CGB8: variants seen among roughly 807,000 people sequenced by gnomAD.
CGB8 encodes chorionic gonadotropin, beta polypeptide 8.
A neutral mutation model predicts 7.6 loss-of-function variants in CGB8; 2 were observed. The observed-to-expected ratio is 0.26, with a 90% CI of 0.11 to 0.83. CGB8 has a LOEUF of 0.83. Among genes scored for constraint, CGB8 ranks in the 40% least tolerant of loss-of-function variants. The probability of loss-of-function intolerance (pLI) is 0.65; values close to 1 mark genes in which losing one functional copy is unlikely to be tolerated. For synonymous variants in CGB8, 8 were observed against 91.5 expected (o/e 0.09, Z 5.21); for missense variants, 16 against 208.2 (o/e 0.08, Z 5.68).
rs751625982 is a variant in CGB8 at position 49,048,777 on chromosome 19, A to T, written c.-38T>A. 1.2e-6 allele frequency: 2 copies of T among 1,612,392 alleles called. No individual in the cohort carries two copies. Among genetic ancestry groups the T allele is most frequent in the South Asian group, 2.2e-5 (2 of 91,046 alleles). On this transcript the variant is annotated 5_prime_UTR_variant, in exon 1 of 3. Coordinates refer to ENST00000448456, the MANE Select transcript of CGB8 (RefSeq NM_033183.3). ...CCCTGCCTCGTGTACCTGGCTTTAA[A>T]CCTCGGGGTTGTGGGGGCGGCAAGG...
At position 49,049,010 on chromosome 19, in the gene CGB8, G is replaced by A. The variant is rs922986389; in HGVS notation, c.-271C>T. 6.1e-5 allele frequency: 82 copies of A among 1,346,414 alleles called. No homozygotes were observed. The highest frequency in any genetic ancestry group is 5.6e-4 in the Middle Eastern group (2 of 3,556). The allele number at this position is 1,346,414 out of a possible 1,614,324, so 83.4% of individuals were successfully genotyped here. ...CGAGTGCTAGGGACTAGTCGAGCCT[G>A]GAGGCACAGGGAGTAGGGTGTAGGA... On this transcript the variant is annotated 5_prime_UTR_variant, in exon 1 of 3. Coordinates refer to ENST00000448456, the MANE Select transcript of CGB8 (RefSeq NM_033183.3).
chr19:49,048,621 T>C (rs2039962523), intron 1 of CGB8, 104 bp downstream of exon 1: 1 of 1,608,206 alleles, frequency 6.2e-7, no homozygotes, highest in Admixed American at 1.7e-5. Flanking sequence ...GTCACGCTCC[T>C]CCAGAAAGAG....
At chr19:49,048,476 C>T (rs999030330) in intron 1 of CGB8, 104 bp from the exon 2 acceptor site, 2 of 1,598,012 alleles carry the variant, frequency 1.3e-6, no homozygotes, top group Admixed American at 1.7e-5. Context: ...GAGACCCTTC[C>T]CGGCATCTCC....
chr19:49,048,516 C>T (rs1201393992), intron 1 of CGB8, 144 bp from the exon 2 acceptor site: 13 of 1,550,576 alleles, frequency 8.4e-6, no homozygotes, highest in Admixed American at 5.9e-5. Context: ...GGACACCTGC[C>T]TTTCAGAGCC....
rs779504396 is a variant in CGB8, at chr19:49,048,731, C to T, written c.9G>A (p.Met3Ile). The T allele has an allele frequency of 1.9e-6, 3 of 1,613,298 alleles. No homozygotes were observed. The highest frequency in any genetic ancestry group is 2.5e-6 in the Non-Finnish European group (3 of 1,179,872). MEMFQGLLLLLLL... is the reference protein window; with the variant it reads MEIFQGLLLLLLL... ...AGGGGCCCTGCAGTCTTACCTGGAA[C>T]ATCTCCATCCTTGGTGTGTCCCCTG... The change falls in exon 1 of 3, where the codon ATG (methionine) becomes ATA (isoleucine). Residue 3 changes from methionine (M) to isoleucine (I), a missense_variant. Coordinates refer to ENST00000448456, the MANE Select transcript of CGB8 (RefSeq NM_033183.3).
At position 49,048,796 on chromosome 19, in the gene CGB8, G is replaced by A. The variant is rs527438751; in HGVS notation, c.-57C>T. 1.2e-4 allele frequency: 186 copies of A among 1,612,650 alleles called. No homozygotes were observed. The highest frequency in any genetic ancestry group is 8.1e-5 in the African/African-American group (6 of 73,898). ...CTTTAAACCTCGGGGTTGTGGGGGC[G>A]GCAAGGCCACCAGGAGGTTGTAGGA... On this transcript the variant is annotated 5_prime_UTR_variant, in exon 1 of 3. Coordinates refer to ENST00000448456, the MANE Select transcript of CGB8 (RefSeq NM_033183.3).
Position 49,048,841 on chromosome 19 carries a change from C to A in CGB8, c.-102G>T. Reference sequence around the variant, plus strand: ...GTAGGATGCTGGAGTGAGCTCGACACTAACCCTTCGGGGGGCAAGAGGTAG... The same window carrying A: ...GTAGGATGCTGGAGTGAGCTCGACAATAACCCTTCGGGGGGCAAGAGGTAG... On this transcript the variant is annotated 5_prime_UTR_variant, in exon 1 of 3. Transcript: ENST00000448456. The A allele has an allele frequency of 1.2e-6, 2 of 1,606,562 alleles. No individual in the cohort carries two copies. The highest frequency in any genetic ancestry group is 1.7e-6 in the Non-Finnish European group (2 of 1,175,080).
Position 49,048,759 on chromosome 19 carries a change from T to C in CGB8, c.-20A>G. On this transcript the variant is annotated 5_prime_UTR_variant, in exon 1 of 3. Coordinates refer to ENST00000448456, the MANE Select transcript of CGB8 (RefSeq NM_033183.3). ...CTCCATCCTTGGTGTGTCCCCTGCC[T>C]CGTGTACCTGGCTTTAAACCTCGGG... 4.3e-6 allele frequency: 7 copies of C among 1,613,054 alleles called. No individual in the cohort carries two copies. Among genetic ancestry groups the C allele is most frequent in the Non-Finnish European group, 5.9e-6 (7 of 1,179,842 alleles).
At position 49,048,785 on chromosome 19, in the gene CGB8, G is replaced by T. The variant is rs560069731; in HGVS notation, c.-46C>A. ...CGTGTACCTGGCTTTAAACCTCGGG[G>T]TTGTGGGGGCGGCAAGGCCACCAGG... On this transcript the variant is annotated 5_prime_UTR_variant, in exon 1 of 3. Coordinates refer to ENST00000448456, the MANE Select transcript of CGB8 (RefSeq NM_033183.3). The T allele has an allele frequency of 4.3e-6, 7 of 1,612,882 alleles. No homozygotes were observed. The Admixed American group carries it at 6.7e-5, about 15-fold the overall frequency.
Position 49,048,787 on chromosome 19 carries a change from T to G in CGB8, c.-48A>C. The G allele has an allele frequency of 6.2e-7, 1 of 1,612,698 alleles. No homozygotes were observed. Among genetic ancestry groups the G allele is most frequent in the Non-Finnish European group, 8.5e-7 (1 of 1,179,812 alleles). Reference sequence around the variant, plus strand: ...TGTACCTGGCTTTAAACCTCGGGGTTGTGGGGGCGGCAAGGCCACCAGGAG... The same window carrying G: ...TGTACCTGGCTTTAAACCTCGGGGTGGTGGGGGCGGCAAGGCCACCAGGAG... On this transcript the variant is annotated 5_prime_UTR_variant, in exon 1 of 3. Transcript: ENST00000448456.
chr19:49,049,060 G>T lies in CGB8; in HGVS notation c.-321C>A, dbSNP rs2039967776. On this transcript the variant is annotated 5_prime_UTR_variant, in exon 1 of 3. Transcript: ENST00000448456. ...AAGGCCTGCCTCTGCCTATGGTGGG[G>T]TCCTGGGAGCCAGGAGGAGGCCGTG... 4.1e-6 allele frequency: 5 copies of T among 1,228,448 alleles called. No homozygotes were observed. The highest frequency in any genetic ancestry group is 4.1e-5 in the South Asian group (2 of 48,464). The allele number at this position is 1,228,448 out of a possible 1,614,324, so 76.1% of individuals were successfully genotyped here.
At position 49,047,679 on chromosome 19, in the gene CGB8, C is replaced by T. The variant is rs17846297; in HGVS notation, c.474G>A (p.Ser158=). ...LPSPSRLPGP[S]DTPILPQ ...TTTATTGTGGGAGGATCGGGGTGTC[C>T]GAGGGCCCCGGGAGTCGGGATGGAC... is the stretch of plus-strand genomic sequence containing the variant. Residue 158 remains serine, a synonymous_variant, in exon 3 of 3, where the codon TCG becomes TCA. Coordinates refer to ENST00000448456, the MANE Select transcript of CGB8 (RefSeq NM_033183.3). 3.6e-3 allele frequency: 5,774 copies of T among 1,600,418 alleles called. 23 individuals carry two copies. In the African/African-American group the frequency reaches 0.048, roughly 13 times the overall value.
In CGB8 at chr19:49,049,004, G is replaced by C. The variant is rs13345685; in HGVS notation, c.-265C>G. On this transcript the variant is annotated 5_prime_UTR_variant, in exon 1 of 3. Transcript: ENST00000448456. The stretch of plus-strand genomic sequence containing the variant: ...AGTCGTCGAGTGCTAGGGACTAGTC[G>C]AGCCTGGAGGCACAGGGAGTAGGGT... 5 of 1,358,002 alleles carry C rather than the reference G, an allele frequency of 3.7e-6. No individual in the cohort carries two copies. The highest frequency in any genetic ancestry group is 2.7e-5 in the East Asian group (1 of 36,974). 84.1% of individuals were successfully genotyped at this position (1,358,002 alleles called of 1,614,324 possible).
rs1295144444 is a variant in CGB8, at chr19:49,048,720, C to A, written c.15+5G>T. 6.2e-7 allele frequency: 1 copy of A among 1,613,018 alleles called. No homozygotes were observed. The highest frequency in any genetic ancestry group is 1.3e-5 in the African/African-American group (1 of 74,354). The stretch of plus-strand genomic sequence containing the variant: ...GGAAGGTGCCCAGGGGCCCTGCAGT[C>A]TTACCTGGAACATCTCCATCCTTGG... On this transcript the variant is annotated splice_donor_5th_base_variant and intron_variant, in intron 1 of 2. Transcript: ENST00000448456.
At chr19:49,048,584 A>G (rs970066509) in intron 1 of CGB8, 141 bp downstream of exon 1, 714 of 1,604,142 alleles carry the variant, frequency 4.5e-4, no homozygotes, top group Non-Finnish European at 5.9e-4. Flanking sequence ...CACCTTCAGG[A>G]AATGCCCCAC....
chr19:49,048,701 T>A, intron 1 of CGB8, 24 bp downstream of exon 1: 1 of 1,612,790 alleles, frequency 6.2e-7, no homozygotes. Flanking sequence ...AGGTGGAAGG[T>A]GCCCAGGGGC....
In CGB8 at chr19:49,048,899, G is replaced by A. The variant is rs914773420; in HGVS notation, c.-160C>T. On this transcript the variant is annotated 5_prime_UTR_variant, in exon 1 of 3. Coordinates refer to ENST00000448456, the MANE Select transcript of CGB8 (RefSeq NM_033183.3). ...CAGGGGGGCGCAGGAGTGGCTCAGC[G>A]GAGCGCCCCAGCCCTCTCCTCTCAC... 39 of 1,354,910 alleles carry A rather than the reference G, an allele frequency of 2.9e-5. No homozygotes were observed. Among genetic ancestry groups the A allele is most frequent in the South Asian group, 1.3e-4 (10 of 75,320 alleles). 83.9% of individuals were successfully genotyped at this position (1,354,910 alleles called of 1,614,324 possible).
At chr19:49,048,693 G>A (rs943039290) in intron 1 of CGB8, 32 bp downstream of exon 1, 7 of 1,612,666 alleles carry the variant, frequency 4.3e-6, no homozygotes, top group Non-Finnish European at 5.1e-6. Context: ...CTGGAAGGAG[G>A]TGGAAGGTGC....
chr19:49,048,646 C>G (rs570620208), intron 1 of CGB8, 79 bp downstream of exon 1: 271 of 1,611,588 alleles, frequency 1.7e-4, no homozygotes, highest in Admixed American at 5.0e-4. Context: ...CCTTCCACAG[C>G]TCACACTGGT....
Sources: allele counts gnomAD v4.1 joint callset, GRCh38; gene constraint gnomAD v4.1.1; transcripts MANE v1.5; gene names NCBI Gene and HGNC (gene_info 2026-07-23, HGNC 2026-07-21).